The following APBB1IP variants were observed in gnomAD, a reference collection of about 807,000 sequenced individuals.
APBB1IP encodes amyloid beta A4 precursor protein-binding family B member 1-interacting protein.
Under a neutral mutation model 64.9 loss-of-function variants are expected in APBB1IP, and 27 were observed. That is an observed-to-expected ratio of 0.42 (90% CI 0.31 to 0.57). The LOEUF is 0.57. APBB1IP is among the 20% of genes least tolerant of loss of function. The pLI is 0.20. For missense variants in APBB1IP, 812 were observed against 845.5 expected, an observed-to-expected ratio of 0.96 and a Z score of 0.49; for synonymous variants, 392 against 331.0, an observed-to-expected ratio of 1.18 and a Z score of -2.00.
At chr10:26,486,662 G>A (rs1172410342) in intron 2 of APBB1IP, among the ~76,000 whole-genome samples, 2 of 152,048 alleles carry the variant, frequency 1.3e-5, no homozygotes, top group African/African-American at 2.4e-5. Context: ...TGATCTTCAC[G>A]GCATCCCAAA....
At chr10:26,453,440 C>T (rs778984685) in intron 2 of APBB1IP, among the ~76,000 whole-genome samples, 42 of 152,206 alleles carry the variant, frequency 2.8e-4, no homozygotes, top group Non-Finnish European at 3.2e-4. Flanking sequence ...TACACAGTGA[C>T]AGTGAGGGTG....
intron 2 of APBB1IP, among the ~76,000 whole-genome samples, chr10:26,452,515 T>G (rs1251345793): frequency 6.6e-6 from 1 of 152,204 alleles, no homozygotes; most frequent in Non-Finnish European, 1.5e-5. Context: ...CAGAAGACAA[T>G]GTAGTTATCT....
chr10:26,509,787 C>T (rs1205247079), intron 6 of APBB1IP: 1 of 152,140 alleles, frequency 6.6e-6, no homozygotes, highest in East Asian at 1.9e-4. Flanking sequence ...CATCTAATCA[C>T]TTTTTTAATA....
At chr10:26,478,531 C>A (rs1490617433) in intron 2 of APBB1IP, among the ~76,000 whole-genome samples, 1 of 151,164 alleles carries the variant, frequency 6.6e-6, no homozygotes, top group Non-Finnish European at 1.5e-5. Context: ...AGGAGAATCA[C>A]TTGAACCTGG....
chr10:26,443,718 G>C (rs1186561199), intron 2 of APBB1IP, among the ~76,000 whole-genome samples: 1 of 151,358 alleles, frequency 6.6e-6, no homozygotes, highest in African/African-American at 2.4e-5. Context: ...AAAAAATTTT[G>C]TAGAGACAGG....
Position 26,524,018 on chromosome 10 carries a change from C to T in APBB1IP, c.814-9421C>T, listed in dbSNP as rs554242733. Among the ~76,000 whole-genome samples, 289 of 152,078 alleles carry T rather than the reference C, an allele frequency of 1.9e-3. 1 individual carries two copies. Among genetic ancestry groups the T allele is most frequent in the African/African-American group, 6.5e-3 (271 of 41,468 alleles). ...GATGCCAGCACTCAGAACACAGTGC[C>T]CCTAAACTATGGCACCGTGGCATGC... On this transcript the variant is annotated intron_variant, in intron 8 of 14. Coordinates refer to ENST00000376236, the MANE Select transcript of APBB1IP (RefSeq NM_019043.4).
At chr10:26,530,314 C>T (rs1836534424) in intron 8 of APBB1IP, among the ~76,000 whole-genome samples, 1 of 151,190 alleles carries the variant, frequency 6.6e-6, no homozygotes, top group African/African-American at 2.4e-5. Context: ...CTTCCTGCCT[C>T]AGCCTCTGGA....
In APBB1IP at chr10:26,450,647, T is replaced by G. The variant is rs186772938; in HGVS notation, c.-1+11794T>G. On this transcript the variant is annotated intron_variant, in intron 2 of 14. Transcript: ENST00000376236. ...ACTATGGCTGTGGAAAACTAGTAAA[T>G]GTAAAGTTGTTCCCTGACCCCTGCC... 1.4e-3 allele frequency among the ~76,000 whole-genome samples: 213 copies of G among 152,092 alleles called. 3 individuals are homozygous for G. Among genetic ancestry groups the G allele is most frequent in the East Asian group, 5.6e-3 (29 of 5,176 alleles).
intron 11 of APBB1IP, among the ~76,000 whole-genome samples, chr10:26,554,536 G>A (rs1043431270): frequency 2.0e-5 from 3 of 152,074 alleles, no homozygotes; most frequent in South Asian, 2.1e-4. Flanking sequence ...TTATAAGAAC[G>A]TGTCATTTTG....
At chr10:26,546,130 T>A (rs1361203383) in intron 11 of APBB1IP, among the ~76,000 whole-genome samples, 1 of 152,256 alleles carries the variant, frequency 6.6e-6, no homozygotes, top group African/African-American at 2.4e-5. Flanking sequence ...TAAGCCTCAC[T>A]GCACATCTTC....
At chr10:26,465,664 T>C (rs1166734610) in intron 2 of APBB1IP, among the ~76,000 whole-genome samples, 1 of 152,212 alleles carries the variant, frequency 6.6e-6, no homozygotes, top group Non-Finnish European at 1.5e-5. Flanking sequence ...TTTAGGTGAC[T>C]AAAGACTGAC....
intron 2 of APBB1IP, among the ~76,000 whole-genome samples, chr10:26,446,376 AT>A (rs1286027382): frequency 6.6e-6 from 1 of 152,160 alleles, no homozygotes; most frequent in African/African-American, 2.4e-5. Flanking sequence ...CTATTTCTTC[AT>A]GTGTTTACTC....
At chr10:26,503,850 AC>A in intron 6 of APBB1IP, among the ~76,000 whole-genome samples, 1 of 152,234 alleles carries the variant, frequency 6.6e-6, no homozygotes, top group Non-Finnish European at 1.5e-5. Context: ...GCTGGCTTAT[AC>A]ATGAATTTTC....
At chr10:26,541,744 T>C in intron 11 of APBB1IP, 52 bp downstream of exon 11, 1 of 1,360,812 alleles carries the variant, frequency 7.3e-7, no homozygotes, top group Non-Finnish European at 1.0e-6. Context: ...TGAGTTAATT[T>C]TTTTTCAAGG....
At chr10:26,479,815 G>A (rs1835814856) in intron 2 of APBB1IP, among the ~76,000 whole-genome samples, 1 of 152,168 alleles carries the variant, frequency 6.6e-6, no homozygotes, top group South Asian at 2.1e-4. Context: ...TTAATTTTTA[G>A]GATTGAGAGT....
At chr10:26,536,289 T>G in intron 10 of APBB1IP, 72 bp downstream of exon 10, 1 of 1,475,772 alleles carries the variant, frequency 6.8e-7, no homozygotes, top group East Asian at 2.3e-5. Flanking sequence ...AAATCCTTAG[T>G]TGGCAAGTTA....
At chr10:26,531,190 G>T (rs1393410126) in intron 8 of APBB1IP, among the ~76,000 whole-genome samples, 1 of 151,928 alleles carries the variant, frequency 6.6e-6, no homozygotes, top group East Asian at 1.9e-4. Flanking sequence ...CAAAAAGTTA[G>T]CTGGGCATGG....
chr10:26,567,300 C>T lies in APBB1IP; in HGVS notation c.1813C>T (p.Pro605Ser). Residue 605 changes from proline to serine, a missense_variant, in exon 15 of 15, where the codon CCG (proline) becomes TCG (serine). This residue lies in a region of APBB1IP where 381 missense variants were observed against 352.1 expected (regional missense o/e 1.08). Coordinates refer to ENST00000376236, the MANE Select transcript of APBB1IP (RefSeq NM_019043.4). ...AGAGCTGCCCCCGCCGCCGCCGCCG[C>T]CGCCCGCGCCCGCGCCCGCCCCCGT... ...GSELPPPPPP[P>S]PAPAPAPVPD... The T allele has an allele frequency of 9.3e-7, 1 of 1,076,988 alleles. No individual in the cohort carries two copies. The highest frequency in any genetic ancestry group is 1.1e-6 in the Non-Finnish European group (1 of 883,822). The allele number at this position is 1,076,988 out of a possible 1,614,324, so 66.7% of individuals were successfully genotyped here.
intron 2 of APBB1IP, among the ~76,000 whole-genome samples, chr10:26,445,171 AG>A (rs1361997991): frequency 1.3e-5 from 2 of 150,514 alleles, no homozygotes; most frequent in Non-Finnish European, 1.5e-5. Flanking sequence ...AAAGAAAGAA[AG>A]AAAGAAAGAA....
Sources: allele counts gnomAD v4.1 joint callset (sites outside exome capture counted in the v4.1 genomes callset), GRCh38; gene constraint gnomAD v4.1.1; regional missense constraint gnomAD v4.1.1; transcripts MANE v1.5; gene names NCBI Gene and HGNC (gene_info 2026-07-23, HGNC 2026-07-21).